Variants in SPTBN1 observed in about 807,000 individuals in gnomAD.
The protein encoded by SPTBN1 is spectrin beta chain, non-erythrocytic 1.
Under a neutral mutation model 266.4 loss-of-function variants are expected in SPTBN1, and 32 were observed. The ratio of observed to expected loss-of-function variants is 0.12; its 90% CI spans 0.09 to 0.16. The LOEUF (loss-of-function observed/expected upper bound fraction) is 0.16. Ranked by LOEUF, SPTBN1 falls within the 10% of genes least tolerant of loss-of-function variation. The pLI, the probability that SPTBN1 is intolerant of heterozygous loss-of-function variation, is 1.00. For synonymous variants in SPTBN1, 1,336 were observed against 1,162.2 expected (o/e 1.15, Z -3.04); for missense variants, 2,296 against 3,067.1 (o/e 0.75, Z 5.94).
chr2:54,476,064 TTTATCAGGCAGG>T (rs1667807214), intron 1 of SPTBN1, among the ~76,000 whole-genome samples: 1 of 152,146 alleles, frequency 6.6e-6, no homozygotes. Flanking sequence ...CCTTCCATAG[TTTATCAGGCAGG>T]TTAGGCTGGT....
At chr2:54,562,455 C>T (rs991203276) in intron 2 of SPTBN1, among the ~76,000 whole-genome samples, 3 of 151,912 alleles carry the variant, frequency 2.0e-5, no homozygotes, top group Non-Finnish European at 2.9e-5. Context: ...CTGGGTTTCA[C>T]GCTTATCTTC....
chr2:54,632,373 C>T (rs2103949095), intron 16 of SPTBN1, among the ~76,000 whole-genome samples, 193 bp from the exon 17 acceptor site: 1 of 152,234 alleles, frequency 6.6e-6, no homozygotes, highest in East Asian at 1.9e-4. Flanking sequence ...AGCATTAACC[C>T]CTGAGGGAAA....
At chr2:54,620,357 T>A (rs931180757) in intron 7 of SPTBN1, among the ~76,000 whole-genome samples, 1 of 152,260 alleles carries the variant, frequency 6.6e-6, no homozygotes, top group South Asian at 2.1e-4. Context: ...GTGGTAACTT[T>A]TGAAATGGAC....
chr2:54,516,949 G>A (rs528123580), intron 1 of SPTBN1, among the ~76,000 whole-genome samples: 5 of 152,306 alleles, frequency 3.3e-5, no homozygotes, highest in African/African-American at 1.2e-4. Context: ...AATTTTTTCT[G>A]ATGGCAATTG....
At chr2:54,531,294 CAAT>C (rs1240061497) in intron 2 of SPTBN1, among the ~76,000 whole-genome samples, 1 of 152,090 alleles carries the variant, frequency 6.6e-6, no homozygotes, top group Admixed American at 6.6e-5. Context: ...TGGGATTTAA[CAAT>C]AATGTCAGGT....
At chr2:54,582,212 G>C (rs759912932) in intron 2 of SPTBN1, among the ~76,000 whole-genome samples, 3 of 152,128 alleles carry the variant, frequency 2.0e-5, no homozygotes, top group Non-Finnish European at 2.9e-5. Flanking sequence ...AGCTTCCAGG[G>C]TCTAAGAAAG....
rs1668753339 is a variant in SPTBN1 at position 54,492,657 on chromosome 2, G to A, written c.-47-33715G>A. On this transcript the variant is annotated intron_variant, in intron 1 of 35. Coordinates refer to ENST00000356805, the MANE Select transcript of SPTBN1 (RefSeq NM_003128.3). ...GTTTGCTTCTGGAACATTTATGTAA[G>A]TTACAGCAGTCTTCATGCTGAGGAC... Among the ~76,000 whole-genome samples the A allele has an allele frequency of 4.6e-5, 7 of 152,264 alleles. No homozygotes were observed. In the East Asian group the frequency reaches 1.4e-3, roughly 29 times the overall value.
intron 18 of SPTBN1, among the ~76,000 whole-genome samples, chr2:54,638,207 T>C (rs868216966): frequency 2.6e-5 from 4 of 152,234 alleles, no homozygotes; most frequent in South Asian, 2.1e-4. Context: ...AACACAGATA[T>C]AGAACATTTC....
chr2:54,605,067 G>A (rs181579208), intron 3 of SPTBN1, among the ~76,000 whole-genome samples: 173 of 152,306 alleles, frequency 1.1e-3, no homozygotes, highest in Non-Finnish European at 1.9e-3. Context: ...GACAGAGGAC[G>A]CTTCTTTCCT....
At chr2:54,636,502 G>C (rs1572724830) in intron 17 of SPTBN1, among the ~76,000 whole-genome samples, 1 of 152,174 alleles carries the variant, frequency 6.6e-6, no homozygotes, top group Non-Finnish European at 1.5e-5. Flanking sequence ...TGCATTGTCA[G>C]CAGCCACTGA....
chr2:54,623,353 C>G, intron 9 of SPTBN1, 126 bp from the exon 10 acceptor site: 1 of 787,316 alleles, frequency 1.3e-6, no homozygotes, highest in Non-Finnish European at 2.1e-6. Flanking sequence ...CAATAAGCAA[C>G]CTACTGATGT....
Position 54,646,674 on chromosome 2 carries a change from G to C in SPTBN1, c.4866+199G>C, listed in dbSNP as rs1322117255. ...GCAGCATTTTCTTATCTGAATCCTA[G>C]TGTGCCATTAAGAACAGGTTCATCC... On this transcript the variant is annotated intron_variant, in intron 23 of 35. Coordinates refer to ENST00000356805, the MANE Select transcript of SPTBN1 (RefSeq NM_003128.3). The surrounding 1 kb of genome is among the most constrained non-coding windows in gnomAD (Gnocchi z 4.4). Among the ~76,000 whole-genome samples, 1 of 152,178 alleles carries C rather than the reference G, an allele frequency of 6.6e-6. No homozygotes were observed. The highest frequency in any genetic ancestry group is 1.5e-5 in the Non-Finnish European group (1 of 68,030).
At chr2:54,513,448 C>T (rs1348482899) in intron 1 of SPTBN1, among the ~76,000 whole-genome samples, 1 of 152,124 alleles carries the variant, frequency 6.6e-6, no homozygotes, top group Middle Eastern at 3.2e-3. Flanking sequence ...TTTATTGCTC[C>T]TGTGTTGTTC....
intron 2 of SPTBN1, among the ~76,000 whole-genome samples, chr2:54,546,207 G>T (rs1409521989): frequency 2.0e-5 from 3 of 152,044 alleles, no homozygotes; most frequent in Non-Finnish European, 4.4e-5. Context: ...TAAGAACCTT[G>T]GTCTGTTGCT....
chr2:54,477,949 G>T (rs549177513), intron 1 of SPTBN1, among the ~76,000 whole-genome samples: 1 of 151,994 alleles, frequency 6.6e-6, no homozygotes, highest in South Asian at 2.1e-4. Flanking sequence ...GCTTTTTAAA[G>T]GTGACTTGGG....
chr2:54,631,260 G>T lies in SPTBN1; in HGVS notation c.3213G>T (p.Leu1071Phe). The change falls in exon 16 of 36, where the codon TTG (leucine) becomes TTT (phenylalanine). Residue 1071 changes from leucine to phenylalanine, a missense_variant. By Grantham distance (22) the Leu-to-Phe change is conservative. This residue lies in a region of SPTBN1 where 18 missense variants were observed against 50.3 expected (regional missense o/e 0.36). Coordinates refer to ENST00000356805, the MANE Select transcript of SPTBN1 (RefSeq NM_003128.3). ...AGCTGCAGCAGTTCCTACGGGACTT[G>T]GACGACTTCCAGTCCTGGCTCTCTA... ...ASKLQQFLRDLDDFQSWLSRT... is the reference protein window; with the variant it reads ...ASKLQQFLRDFDDFQSWLSRT... 1 of 1,614,200 alleles carries T rather than the reference G, an allele frequency of 6.2e-7. No individual in the cohort carries two copies.
Position 54,664,427 on chromosome 2 carries a change from C to T in SPTBN1, c.6421-26C>T, listed in dbSNP as rs886492517. The T allele has an allele frequency of 2.0e-5, 32 of 1,599,520 alleles. No homozygotes were observed. The highest frequency in any genetic ancestry group is 2.6e-5 in the Non-Finnish European group (30 of 1,168,720). On this transcript the variant is annotated intron_variant, in intron 32 of 35. Transcript: ENST00000356805. This position sits in a 1 kb window ranked among gnomAD's most constrained non-coding sequence, Gnocchi z 5.6. The stretch of plus-strand genomic sequence containing the variant: ...TCACCCCCATGGCTCACGGAGTTAG[C>T]TGAATGGCCTCTCCGCTGTCCCTAG...
chr2:54,522,666 GA>G (rs1670528228), intron 1 of SPTBN1, among the ~76,000 whole-genome samples: 1 of 97,522 alleles, frequency 1.0e-5, no homozygotes, highest in Non-Finnish European at 2.2e-5. Context: ...GAAAGAGAGA[GA>G]GAGAGAGAGA....
At chr2:54,504,476 G>GA (rs1304959209) in intron 1 of SPTBN1, among the ~76,000 whole-genome samples, 1 of 151,854 alleles carries the variant, frequency 6.6e-6, no homozygotes, top group Non-Finnish European at 1.5e-5. Flanking sequence ...AAATATTTGG[G>GA]AAAAAAAATC....
Sources: allele counts gnomAD v4.1 joint callset (sites outside exome capture counted in the v4.1 genomes callset), GRCh38; gene constraint gnomAD v4.1.1; regional missense constraint gnomAD v4.1.1; non-coding constraint Gnocchi (gnomAD v3.1); transcripts MANE v1.5; gene names NCBI Gene and HGNC (gene_info 2026-07-23, HGNC 2026-07-21).